LOXHD1: variants seen among roughly 807,000 people sequenced by gnomAD.
LOXHD1 encodes the protein lipoxygenase homology domain-containing protein 1.
LOXHD1 carries 205 observed loss-of-function variants against 248.2 expected under a neutral mutation model. That is an observed-to-expected ratio of 0.83 (90% CI 0.74 to 0.93). The LOEUF is 0.93. Among genes scored for constraint, LOXHD1 ranks in the 40% least tolerant of loss-of-function variants. The probability of loss-of-function intolerance (pLI) is 0.00; values close to 1 mark genes in which losing one functional copy is unlikely to be tolerated. For synonymous variants in LOXHD1, 1,113 were observed against 1,162.8 expected (o/e 0.96, Z 0.87); for missense variants, 2,930 against 2,971.6 (o/e 0.99, Z 0.33).
At chr18:46,591,299 T>C (rs1337507264) in intron 12 of LOXHD1, among the ~76,000 whole-genome samples, 2 of 152,250 alleles carry the variant, frequency 1.3e-5, no homozygotes, top group Non-Finnish European at 2.9e-5. Context: ...GAATTCTTTA[T>C]TGAGGGCTAC....
chr18:46,570,748 TA>T (rs989426794), intron 15 of LOXHD1, among the ~76,000 whole-genome samples: 2 of 152,274 alleles, frequency 1.3e-5, no homozygotes, highest in South Asian at 2.1e-4. Context: ...GCTGATGAGT[TA>T]AAAAAATTGC....
chr18:46,540,583 A>G (rs2036514801), intron 25 of LOXHD1, among the ~76,000 whole-genome samples: 1 of 149,292 alleles, frequency 6.7e-6, no homozygotes, highest in Non-Finnish European at 1.5e-5. Context: ...GGAACAGCTC[A>G]CCCTTTAGGT....
intron 5 of LOXHD1, among the ~76,000 whole-genome samples, chr18:46,611,271 G>T (rs981624020): frequency 1.6e-4 from 24 of 152,308 alleles, no homozygotes; most frequent in Admixed American, 2.6e-4. Flanking sequence ...GTTGGTAAAG[G>T]GGCTGTCGGT....
At chr18:46,584,926 T>A (rs2038031410) in intron 12 of LOXHD1, among the ~76,000 whole-genome samples, 1 of 152,150 alleles carries the variant, frequency 6.6e-6, no homozygotes, top group Non-Finnish European at 1.5e-5. Flanking sequence ...AATCAATTAA[T>A]GTAATTTATC....
chr18:46,543,003 T>C, intron 23 of LOXHD1, 148 bp from the exon 24 acceptor site: 2 of 1,152,374 alleles, frequency 1.7e-6, no homozygotes, highest in Non-Finnish European at 2.4e-6. Context: ...ATTGGCCACC[T>C]TTGCACAGTG....
At chr18:46,623,039 C>A (rs1299350832) in intron 4 of LOXHD1, among the ~76,000 whole-genome samples, 1 of 152,156 alleles carries the variant, frequency 6.6e-6, no homozygotes, top group African/African-American at 2.4e-5. Flanking sequence ...AGCTCTAGAG[C>A]TGGCCTGTGA....
chr18:46,555,732 T>G (rs2037300451), intron 21 of LOXHD1, among the ~76,000 whole-genome samples: 3 of 152,108 alleles, frequency 2.0e-5, no homozygotes, highest in Non-Finnish European at 4.4e-5. Flanking sequence ...CTTGGGCCCC[T>G]TACACCCAAG....
intron 14 of LOXHD1, 26 bp from the exon 15 acceptor site, chr18:46,572,188 G>C (rs898523288): frequency 6.5e-6 from 10 of 1,545,210 alleles, no homozygotes; most frequent in Non-Finnish European, 8.8e-6. Context: ...GGGAATGTTA[G>C]CTCTTTGGGT....
At chr18:46,497,880 C>T (rs1320199554) in intron 37 of LOXHD1, among the ~76,000 whole-genome samples, 1 of 152,102 alleles carries the variant, frequency 6.6e-6, no homozygotes, top group East Asian at 1.9e-4. Flanking sequence ...AGCTTCTAAA[C>T]CACAGACAGG....
At position 46,656,894 on chromosome 18, in the gene LOXHD1, G is replaced by C; in HGVS notation, c.130+10C>G. The C allele has an allele frequency of 6.4e-7, 1 of 1,551,204 alleles. No individual in the cohort carries two copies. The highest frequency in any genetic ancestry group is 8.7e-7 in the Non-Finnish European group (1 of 1,146,660). ...GCACCACCCGCCCCCCGCAGGCTGG[G>C]ACCCCGCACCTCTGGCCTTGTAGTA... On this transcript the variant is annotated intron_variant, in intron 1 of 40. Transcript: ENST00000642948.
intron 3 of LOXHD1, among the ~76,000 whole-genome samples, chr18:46,640,338 G>GTGAGATGATTAAGTGTGTCCCTCTCT (rs1443535725): frequency 6.6e-6 from 1 of 152,190 alleles, no homozygotes; most frequent in Non-Finnish European, 1.5e-5. Context: ...TCCCATTGCT[G>GTGAGATGATTAAGTGTGTCCCTCTCT]TGAGATGATT....
At chr18:46,490,023 A>G (rs2033350048) in intron 37 of LOXHD1, among the ~76,000 whole-genome samples, 1 of 152,250 alleles carries the variant, frequency 6.6e-6, no homozygotes, top group South Asian at 2.1e-4. Flanking sequence ...TAGCACAGCT[A>G]TCAAATATGA....
intron 33 of LOXHD1, chr18:46,519,120 T>G (rs2035431609): frequency 5.1e-6 from 5 of 982,292 alleles, no homozygotes; most frequent in Non-Finnish European, 4.8e-6. Context: ...ACACTGATGT[T>G]CTAGAATGTT....
intron 34 of LOXHD1, among the ~76,000 whole-genome samples, chr18:46,516,434 A>G (rs903997107): frequency 6.6e-6 from 1 of 152,204 alleles, no homozygotes; most frequent in Non-Finnish European, 1.5e-5. Flanking sequence ...AAAAGAAGAC[A>G]GACACAAAAT....
intron 4 of LOXHD1, among the ~76,000 whole-genome samples, chr18:46,627,022 T>G (rs2038752218): frequency 6.6e-6 from 1 of 152,250 alleles, no homozygotes; most frequent in Admixed American, 6.5e-5. Context: ...TGGAAGATTT[T>G]CTTATTCTTC....
intron 37 of LOXHD1, among the ~76,000 whole-genome samples, chr18:46,497,955 G>A (rs1363044409): frequency 7.2e-5 from 11 of 152,200 alleles, no homozygotes; most frequent in African/African-American, 2.4e-4. Flanking sequence ...ACAAGGCCGA[G>A]GTCTCAGTGG....
rs1407292701 is a variant in LOXHD1, at chr18:46,593,655, A to G, written c.1376T>C (p.Ile459Thr). The G allele has an allele frequency of 1.9e-6, 3 of 1,552,330 alleles. No homozygotes were observed. Among genetic ancestry groups the G allele is most frequent in the South Asian group, 1.2e-5 (1 of 84,060 alleles). ...CCACTTGTTGTTGGGATTCAGGAGA[A>G]TCTCATCTGTCCGCCCCTTCTGCCC... ...IYGQKGRTDE[I>T]LLNPNNKWFK... Residue 459 changes from isoleucine (I) to threonine (T), a missense_variant, in exon 10 of 41, where the codon ATT becomes ACT. Transcript: ENST00000642948.
At chr18:46,611,995 A>T (rs189518146) in intron 5 of LOXHD1, among the ~76,000 whole-genome samples, 1 of 152,152 alleles carries the variant, frequency 6.6e-6, no homozygotes, top group Non-Finnish European at 1.5e-5. Flanking sequence ...TCATTGTCAC[A>T]TACCCTTATG....
In LOXHD1 at chr18:46,477,651, C is replaced by G; in HGVS notation, c.6643G>C (p.Glu2215Gln). 1 of 1,551,822 alleles carries G rather than the reference C, an allele frequency of 6.4e-7. No individual in the cohort carries two copies. The highest frequency in any genetic ancestry group is 8.7e-7 in the Non-Finnish European group (1 of 1,147,028). Reference protein sequence around the residue: ...RFFLETLELGELRKVRLEHDS... With the variant: ...RFFLETLELGQLRKVRLEHDS... ...TGCTCCAGGCGCACCTTGCGCAGCT[C>G]ACCCAGCTCCAGCGTCTCCAGGAAG... The change falls in exon 41 of 41, where the codon GAG becomes CAG. Residue 2215 changes from glutamate to glutamine, a missense_variant. Coordinates refer to ENST00000642948, the MANE Select transcript of LOXHD1 (RefSeq NM_001384474.1).
Sources: gnomAD v4.1 joint callset for allele counts (sites outside exome capture counted in the v4.1 genomes callset) on GRCh38, gnomAD v4.1.1 for gene constraint, MANE v1.5 for transcripts, NCBI Gene and HGNC (gene_info 2026-07-23, HGNC 2026-07-21) for gene names.